Variants in PACS2 observed in about 807,000 individuals in gnomAD.
PACS2 encodes phosphofurin acidic cluster sorting protein 2, also known as PACS1-like protein.
PACS2 carries 36 observed loss-of-function variants against 113.0 expected under a neutral mutation model. That is an observed-to-expected ratio of 0.32 (90% CI 0.24 to 0.42). The LOEUF is 0.42. Among genes scored for constraint, PACS2 ranks in the 10% least tolerant of loss-of-function variants. The pLI, the probability that PACS2 is intolerant of heterozygous loss-of-function variation, is 1.00. For missense variants in PACS2, 1,015 were observed against 1,239.5 expected, an observed-to-expected ratio of 0.82 and a Z score of 2.72; for synonymous variants, 589 against 536.1, an observed-to-expected ratio of 1.10 and a Z score of -1.36.
rs1205338468 is a variant in PACS2, at chr14:105,396,873, C to T, written c.*2201C>T. ...GAAGGTGGAAACATCCTTGCTGTGG[C>T]TTTCTGGCCTCAGAGCAGGTTTTAG... On this transcript the variant is annotated 3_prime_UTR_variant, in exon 25 of 25. Transcript: ENST00000447393. The T allele has an allele frequency of 6.6e-6, 1 of 152,278 alleles. No individual in the cohort carries two copies. The highest frequency in any genetic ancestry group is 2.4e-5 in the African/African-American group (1 of 41,448). The allele number at this position is 152,278 out of a possible 1,614,324, so 9.4% of individuals were successfully genotyped here.
chr14:105,350,938 G>A (rs1555403842), intron 2 of PACS2, among the ~76,000 whole-genome samples: 1 of 152,204 alleles, frequency 6.6e-6, no homozygotes, highest in Non-Finnish European at 1.5e-5. Context: ...CTGCACGTGA[G>A]GCCCCAGCAC....
At position 105,376,247 on chromosome 14, in the gene PACS2, G is replaced by A. The variant is rs1405606588; in HGVS notation, c.802-521G>A. ...CACAGTGGAACATGAAGTGTGCCAC[G>A]CTGGGTGGATGACGCCCTCCTCCCC... is the stretch of plus-strand genomic sequence containing the variant. On this transcript the variant is annotated intron_variant, in intron 8 of 24. Transcript: ENST00000447393. The surrounding 1 kb of genome is among the most constrained non-coding windows in gnomAD (Gnocchi z 4.7). Among the ~76,000 whole-genome samples, 11 of 151,922 alleles carry A rather than the reference G, an allele frequency of 7.2e-5. No homozygotes were observed. Among genetic ancestry groups the A allele is most frequent in the Non-Finnish European group, 1.3e-4 (9 of 67,980 alleles).
At chr14:105,390,678 G>T (rs1444634925) in intron 20 of PACS2, 1 of 182,600 alleles carries the variant, frequency 5.5e-6, no homozygotes, top group Non-Finnish European at 1.2e-5. Context: ...TCTGCTGAGG[G>T]CTCTGGGGCG....
intron 7 of PACS2, 100 bp downstream of exon 7, chr14:105,368,639 C>T: frequency 1.1e-6 from 1 of 889,894 alleles, no homozygotes. Flanking sequence ...GAAGTGAGAT[C>T]TCACCCCAGG....
chr14:105,383,847 G>A, intron 16 of PACS2: 2 of 337,568 alleles, frequency 5.9e-6, no homozygotes, highest in Non-Finnish European at 1.1e-5. Context: ...ATAACTCTAT[G>A]CCAGTTTCGA....
At chr14:105,331,206 C>T (rs192962223) in intron 1 of PACS2, among the ~76,000 whole-genome samples, 82 of 152,318 alleles carry the variant, frequency 5.4e-4, no homozygotes, top group Middle Eastern at 3.4e-3. Context: ...CTGCCTGCCT[C>T]GGCCTCCCAA....
chr14:105,367,870 A>G (rs1474276609), intron 5 of PACS2, among the ~76,000 whole-genome samples: 1 of 152,094 alleles, frequency 6.6e-6, no homozygotes, highest in Non-Finnish European at 1.5e-5. Context: ...ACTTCCTGCC[A>G]ACCCCGACCT....
At chr14:105,387,809 G>A (rs2081229168) in intron 19 of PACS2, among the ~76,000 whole-genome samples, 1 of 152,222 alleles carries the variant, frequency 6.6e-6, no homozygotes, top group African/African-American at 2.4e-5. Context: ...CTCGGCAGAG[G>A]GCAGGTGGCC....
chr14:105,335,808 C>T (rs897670634), intron 1 of PACS2, among the ~76,000 whole-genome samples: 2 of 152,336 alleles, frequency 1.3e-5, no homozygotes, highest in East Asian at 3.9e-4. Context: ...GTGAGGCTGG[C>T]AAGAGCTGGC....
Position 105,317,966 on chromosome 14 carries a change from G to A in PACS2, c.119+2929G>A, listed in dbSNP as rs1000089080. 1.3e-5 allele frequency among the ~76,000 whole-genome samples: 2 copies of A among 152,124 alleles called. No homozygotes were observed. Among genetic ancestry groups the A allele is most frequent in the East Asian group, 1.9e-4 (1 of 5,180 alleles). On this transcript the variant is annotated intron_variant, in intron 1 of 24. Transcript: ENST00000447393. This position sits in a 1 kb window ranked among gnomAD's most constrained non-coding sequence, Gnocchi z 4.2. The stretch of plus-strand genomic sequence containing the variant: ...CACACGGTGCTCCTAGGTGGTCCAC[G>A]GGGTATGCGTCAGTGCCTGTCTGTG...
intron 1 of PACS2, among the ~76,000 whole-genome samples, chr14:105,346,436 G>A (rs1220454362): frequency 6.6e-6 from 1 of 151,642 alleles, no homozygotes; most frequent in Non-Finnish European, 1.5e-5. Context: ...TCTGCAGAGA[G>A]CACCCCGTGG....
At chr14:105,308,072 A>C (rs1277111009) in intron 1 of PACS2, among the ~76,000 whole-genome samples, 1 of 152,158 alleles carries the variant, frequency 6.6e-6, no homozygotes, top group Non-Finnish European at 1.5e-5. Context: ...TAGTTCAGCT[A>C]CTTGGGAGGC....
intron 8 of PACS2, chr14:105,372,031 AG>A (rs1174488832): frequency 6.6e-6 from 1 of 152,216 alleles, no homozygotes; most frequent in Admixed American, 6.5e-5. Flanking sequence ...TCCTAATTCT[AG>A]CACCTTGGTG....
At chr14:105,314,169 G>C (rs374452568), upstream of PACS2, among the ~76,000 whole-genome samples, 1 of 152,142 alleles carries the variant, frequency 6.6e-6, no homozygotes. Context: ...GCGTCCCGGG[G>C]AACCCACGCA....
rs113355313 is a variant in PACS2 at position 105,380,203 on chromosome 14, A to G, written c.1125+49A>G. On this transcript the variant is annotated intron_variant, in intron 11 of 24. Coordinates refer to ENST00000447393, the MANE Select transcript of PACS2 (RefSeq NM_001100913.3). The stretch of plus-strand genomic sequence containing the variant: ...ACCCGTTCCACACATCAGGCACACC[A>G]ATGCTGCCTTTAAGGGTCTGACCTG... The G allele has an allele frequency of 2.1e-4, 310 of 1,462,514 alleles. 2 individuals carry two copies. In the African/African-American group the frequency reaches 3.8e-3, roughly 18 times the overall value. 90.6% of individuals were successfully genotyped at this position (1,462,514 alleles called of 1,614,324 possible). A position where few individuals can be genotyped will look rare whatever the true frequency, so the allele number is the denominator to read the frequency against.
intron 19 of PACS2, 138 bp downstream of exon 19, chr14:105,385,855 A>G: frequency 2.0e-6 from 1 of 512,812 alleles, no homozygotes; most frequent in Non-Finnish European, 3.3e-6. Flanking sequence ...CACCAGCTGC[A>G]GGCTGAGAGC....
chr14:105,388,009 G>C (rs2141280467), intron 19 of PACS2, among the ~76,000 whole-genome samples: 1 of 152,394 alleles, frequency 6.6e-6, no homozygotes, highest in Admixed American at 6.5e-5. Context: ...AGGGTGCTGG[G>C]GGGCCAGGAG....
At position 105,315,501 on chromosome 14, in the gene PACS2, C is replaced by T. The variant is rs1028734546; in HGVS notation, c.119+464C>T. 5.9e-5 allele frequency: 9 copies of T among 152,270 alleles called. No individual in the cohort carries two copies. The highest frequency in any genetic ancestry group is 2.2e-4 in the African/African-American group (9 of 41,466). The allele number at this position is 152,270 out of a possible 1,614,324, so 9.4% of individuals were successfully genotyped here. ...GCAGGACTCGGTTGTATCCTCCGTC[C>T]AGCGCGCGGTGGAGATGCCCTGTCC... On this transcript the variant is annotated intron_variant, in intron 1 of 24. Transcript: ENST00000447393. This position sits in a 1 kb window ranked among gnomAD's most constrained non-coding sequence, Gnocchi z 4.4.
At position 105,396,036 on chromosome 14, in the gene PACS2, A is replaced by G. The variant is rs1304108121; in HGVS notation, c.*1364A>G. 1 of 152,044 alleles carries G rather than the reference A, an allele frequency of 6.6e-6. No individual in the cohort carries two copies. Among genetic ancestry groups the G allele is most frequent in the Non-Finnish European group, 1.5e-5 (1 of 68,002 alleles). The allele number at this position is 152,044 out of a possible 1,614,324, so 9.4% of individuals were successfully genotyped here. A position where few individuals can be genotyped will look rare whatever the true frequency, so the allele number is the denominator to read the frequency against. On this transcript the variant is annotated 3_prime_UTR_variant, in exon 25 of 25. Transcript: ENST00000447393. ...TCGAGCCGGGGCTGGAGGGGTCTCC[A>G]CCCTTGCTGGCCTGAGAGATGGCCC...
Sources: gnomAD v4.1 joint callset for allele counts (sites outside exome capture counted in the v4.1 genomes callset) on GRCh38, gnomAD v4.1.1 for gene constraint, Gnocchi (gnomAD v3.1) non-coding constraint, MANE v1.5 for transcripts, NCBI Gene and HGNC (gene_info 2026-07-23, HGNC 2026-07-21) for gene names.